The following PEX7 variants were observed in gnomAD, a reference collection of about 807,000 sequenced individuals.
PEX7 encodes the protein peroxisomal biogenesis factor 7.
Under a neutral mutation model 47.5 loss-of-function variants are expected in PEX7, and 34 were observed. That is an observed-to-expected ratio of 0.72 (90% confidence interval 0.54 to 0.95). PEX7 has a LOEUF of 0.95. Among genes scored for constraint, PEX7 ranks in the 40% least tolerant of loss-of-function variants. The pLI is 0.00. For missense variants in PEX7, 394 were observed against 400.3 expected, an observed-to-expected ratio of 0.98 and a Z score of 0.13; for synonymous variants, 141 against 148.8, an observed-to-expected ratio of 0.95 and a Z score of 0.38.
Position 136,898,166 on chromosome 6 carries a change from C to G in PEX7, c.828C>G (p.Asp276Glu). 6.2e-7 allele frequency: 1 copy of G among 1,610,754 alleles called. No individual in the cohort carries two copies. Among genetic ancestry groups the G allele is most frequent in the Non-Finnish European group, 8.5e-7 (1 of 1,177,028 alleles). The change falls in exon 9 of 10, where the codon GAC becomes GAG. Residue 276 changes from aspartate to glutamate, a missense_variant. Coordinates refer to ENST00000318471, the MANE Select transcript of PEX7 (RefSeq NM_000288.4). ...TVRFWNFSKP[D>E]SLLETVEHHT... ...GATTCTGGAACTTTTCAAAGCCTGACTCTCTTCTTGAAACAGTGGAGCATC... is the reference window on the plus strand; with the variant it reads ...GATTCTGGAACTTTTCAAAGCCTGAGTCTCTTCTTGAAACAGTGGAGCATC...
chr6:136,853,222 G>T (rs1232920520), intron 5 of PEX7, among the ~76,000 whole-genome samples: 1 of 152,224 alleles, frequency 6.6e-6, no homozygotes, highest in African/African-American at 2.4e-5. Context: ...GAGTAGTTGT[G>T]AGAGAGACTG....
intron 3 of PEX7, among the ~76,000 whole-genome samples, chr6:136,841,122 A>G (rs1333963434): frequency 6.6e-6 from 1 of 152,144 alleles, no homozygotes; most frequent in African/African-American, 2.4e-5. Context: ...GTGCTCAATA[A>G]ATATTTGTTG....
chr6:136,913,863 T>G lies in PEX7; in HGVS notation c.*337T>G, dbSNP rs1775974849. ...AGATAGTGATATATTTCATTTTTAA[T>G]TTGTCATTTTTGATGTAAAATATAA... is the stretch of plus-strand genomic sequence containing the variant. On this transcript the variant is annotated 3_prime_UTR_variant, in exon 10 of 10. Transcript: ENST00000318471. 4.2e-6 allele frequency: 1 copy of G among 235,912 alleles called. No homozygotes were observed. Among genetic ancestry groups the G allele is most frequent in the South Asian group, 6.2e-5 (1 of 16,036 alleles). 14.6% of individuals were successfully genotyped at this position (235,912 alleles called of 1,614,324 possible). A position where few individuals can be genotyped will look rare whatever the true frequency, so the allele number is the denominator to read the frequency against.
chr6:136,864,160 C>T (rs1010221692), intron 5 of PEX7, among the ~76,000 whole-genome samples: 1 of 151,980 alleles, frequency 6.6e-6, no homozygotes, highest in African/African-American at 2.4e-5. Context: ...TCTCCAAATT[C>T]CTACTTTATG....
intron 8 of PEX7, among the ~76,000 whole-genome samples, chr6:136,892,052 G>T (rs1484994882): frequency 1.3e-5 from 2 of 152,184 alleles, no homozygotes; most frequent in South Asian, 4.1e-4. Flanking sequence ...AAAGAGAGTT[G>T]AGTGATACAT....
chr6:136,907,037 TCATATC>T (rs1174997712), intron 9 of PEX7, among the ~76,000 whole-genome samples: 2 of 152,192 alleles, frequency 1.3e-5, no homozygotes, highest in Non-Finnish European at 1.5e-5. Context: ...TTGTTATTTG[TCATATC>T]CATGTTTTTA....
At chr6:136,890,675 T>A (rs946394667) in intron 8 of PEX7, among the ~76,000 whole-genome samples, 1 of 152,090 alleles carries the variant, frequency 6.6e-6, no homozygotes, top group African/African-American at 2.4e-5. Flanking sequence ...CCTGAGTAGG[T>A]TTATTCATAA....
At chr6:136,878,825 A>G (rs563298839) in intron 8 of PEX7, among the ~76,000 whole-genome samples, 62 of 151,224 alleles carry the variant, frequency 4.1e-4, no homozygotes, top group African/African-American at 1.4e-3. Flanking sequence ...TTTGTATTTT[A>G]TTTGCTATGT....
At chr6:136,846,482 A>C (rs979268478) in intron 5 of PEX7, among the ~76,000 whole-genome samples, 8 of 151,848 alleles carry the variant, frequency 5.3e-5, no homozygotes, top group East Asian at 3.9e-4. Flanking sequence ...TCCTAATGCT[A>C]TCTCTCCCCC....
chr6:136,875,276 G>A (rs1280231600), intron 8 of PEX7, among the ~76,000 whole-genome samples: 2 of 90,878 alleles, frequency 2.2e-5, no homozygotes, highest in East Asian at 5.9e-4. Context: ...CTTTCATTTT[G>A]TTAAAGTATT....
At chr6:136,826,511 C>T (rs561132641) in intron 3 of PEX7, 42 bp downstream of exon 3, 18 of 1,612,524 alleles carry the variant, frequency 1.1e-5, no homozygotes, top group Admixed American at 6.7e-5. Context: ...TTTCTTTCTT[C>T]GACTTTGGTT....
chr6:136,839,931 T>C (rs1774464753), intron 3 of PEX7, among the ~76,000 whole-genome samples: 1 of 151,894 alleles, frequency 6.6e-6, no homozygotes, highest in African/African-American at 2.4e-5. Flanking sequence ...ATGTATGCAG[T>C]GTTATGGGAA....
chr6:136,840,885 C>A (rs986286731), intron 3 of PEX7, among the ~76,000 whole-genome samples: 12 of 152,160 alleles, frequency 7.9e-5, no homozygotes, highest in Non-Finnish European at 1.8e-4. Flanking sequence ...CAAGTCTCTG[C>A]ACAGAGAGGT....
chr6:136,883,582 C>T (rs1158178194), intron 8 of PEX7, among the ~76,000 whole-genome samples: 1 of 152,164 alleles, frequency 6.6e-6, no homozygotes, highest in Non-Finnish European at 1.5e-5. Flanking sequence ...TCCTTCTCTT[C>T]CCCTTAAACT....
At chr6:136,838,378 T>G (rs1774433966) in intron 3 of PEX7, among the ~76,000 whole-genome samples, 1 of 152,210 alleles carries the variant, frequency 6.6e-6, no homozygotes, top group African/African-American at 2.4e-5. Context: ...GGCAAGACAT[T>G]CTACAAGACC....
At chr6:136,911,598 G>A (rs1172168610) in intron 9 of PEX7, among the ~76,000 whole-genome samples, 1 of 151,930 alleles carries the variant, frequency 6.6e-6, no homozygotes, top group Non-Finnish European at 1.5e-5. Context: ...GTAGAGGTGG[G>A]GTTTCACCAT....
At chr6:136,904,289 A>AT (rs1775802245) in intron 9 of PEX7, among the ~76,000 whole-genome samples, 1 of 152,170 alleles carries the variant, frequency 6.6e-6, no homozygotes, top group South Asian at 2.1e-4. Flanking sequence ...TAATTGTGTA[A>AT]TTTTTTAGCT....
chr6:136,822,597 C>G lies in PEX7; in HGVS notation c.-69C>G, dbSNP rs528948146. On this transcript the variant is annotated 5_prime_UTR_variant, in exon 1 of 10. Transcript: ENST00000318471. ...CCGGTCTGCCTGGTCTCTCTAACCGCGCCAGTGTGCCTCCGACTCGGAACG... is the reference window on the plus strand; with the variant it reads ...CCGGTCTGCCTGGTCTCTCTAACCGGGCCAGTGTGCCTCCGACTCGGAACG... 5.0e-6 allele frequency: 7 copies of G among 1,403,670 alleles called. No homozygotes were observed. The highest frequency in any genetic ancestry group is 2.6e-5 in the East Asian group (1 of 38,930). The allele number at this position is 1,403,670 out of a possible 1,614,324, so 87.0% of individuals were successfully genotyped here. A position where few individuals can be genotyped will look rare whatever the true frequency, so the allele number is the denominator to read the frequency against.
intron 3 of PEX7, among the ~76,000 whole-genome samples, chr6:136,836,203 T>C (rs925688687): frequency 7.0e-6 from 1 of 143,826 alleles, no homozygotes; most frequent in Non-Finnish European, 1.5e-5. Context: ...GGTAGAGCTA[T>C]GTAAATATAT....
Sources: gnomAD v4.1 joint callset for allele counts (sites outside exome capture counted in the v4.1 genomes callset) on GRCh38, gnomAD v4.1.1 for gene constraint, MANE v1.5 for transcripts, NCBI Gene and HGNC (gene_info 2026-07-23, HGNC 2026-07-21) for gene names.